Variants in DPH6 observed in about 807,000 individuals in gnomAD.
DPH6 encodes the protein diphthamine biosynthesis 6, also known as diphthine--ammonia ligase.
Under a neutral mutation model 38.2 loss-of-function variants are expected in DPH6, and 33 were observed. The ratio of observed to expected loss-of-function variants is 0.86; its 90% CI spans 0.65 to 1.15. The LOEUF (loss-of-function observed/expected upper bound fraction) is 1.15, where lower values mean the gene tolerates loss of function less well. DPH6 is among the 50% of genes most tolerant of loss of function. The pLI is 0.00. For synonymous variants in DPH6, 108 were observed against 103.0 expected (o/e 1.05, Z -0.30); for missense variants, 325 against 320.0 (o/e 1.02, Z -0.12).
the DPH6 span, among the ~76,000 whole-genome samples, chr15:35,194,403 G>A: frequency 1.3e-5 from 2 of 151,698 alleles, no homozygotes; most frequent in Non-Finnish European, 2.9e-5. Flanking sequence ...GAGATAGAGA[G>A]AGAGAGAGAG....
the DPH6 span, among the ~76,000 whole-genome samples, chr15:35,194,720 C>T: frequency 6.6e-6 from 1 of 152,108 alleles, no homozygotes; most frequent in East Asian, 1.9e-4. Context: ...ACATCAAAGG[C>T]ATTGTACTAT....
In DPH6 at chr15:35,480,872, G is replaced by A. The variant is rs190579963; in HGVS notation, c.313-26052C>T. 1.5e-3 allele frequency among the ~76,000 whole-genome samples: 219 copies of A among 149,648 alleles called. 2 individuals carry two copies. The highest frequency in any genetic ancestry group is 8.5e-3 in the South Asian group (41 of 4,804). On this transcript the variant is annotated intron_variant, in intron 3 of 8. Coordinates refer to ENST00000256538, the MANE Select transcript of DPH6 (RefSeq NM_080650.4). ...AATATTTCAGCTAATAAATGAAACA[G>A]GAATGATAGAATTGTAATATCACCA...
At chr15:35,542,878 A>AAT (rs2055276184) in intron 1 of DPH6, among the ~76,000 whole-genome samples, 1 of 140,736 alleles carries the variant, frequency 7.1e-6, no homozygotes, top group African/African-American at 2.6e-5. Context: ...CTACCTAAGG[A>AAT]ATATATATAA....
At chr15:35,374,178 T>C (rs1014622581) in intron 7 of DPH6, among the ~76,000 whole-genome samples, 4 of 152,150 alleles carry the variant, frequency 2.6e-5, no homozygotes, top group African/African-American at 9.6e-5. Flanking sequence ...TATGGATACA[T>C]GTAAATTAAC....
At chr15:35,449,437 G>A (rs1194493347) in intron 5 of DPH6, among the ~76,000 whole-genome samples, 1 of 152,046 alleles carries the variant, frequency 6.6e-6, no homozygotes, top group Non-Finnish European at 1.5e-5. Context: ...TTTTCAATAA[G>A]GGAGGTCTCT....
chr15:35,265,065 T>C (rs1027903514), intron 3 of DPH6, among the ~76,000 whole-genome samples: 1 of 152,184 alleles, frequency 6.6e-6, no homozygotes, highest in Non-Finnish European at 1.5e-5. Flanking sequence ...ATGCTGTCTA[T>C]AGTCCATACA....
chr15:35,157,570 C>T, the DPH6 span, among the ~76,000 whole-genome samples: 1 of 152,058 alleles, frequency 6.6e-6, no homozygotes, highest in Non-Finnish European at 1.5e-5. Flanking sequence ...GGTTGTGGTA[C>T]TCTGTCCCCT....
At chr15:35,285,872 G>GTTTTTTTTTTTATTTTTTTTTT (rs2051938723) in intron 3 of DPH6, among the ~76,000 whole-genome samples, 1 of 52,794 alleles carries the variant, frequency 1.9e-5, no homozygotes, top group Non-Finnish European at 3.3e-5. Flanking sequence ...TTATCTTTGA[G>GTTTTTTTTTTTATTTTTTTTTT]TTTTTTTTTT....
chr15:35,350,903 G>A (rs1420920336), intron 3 of DPH6, among the ~76,000 whole-genome samples: 2 of 152,146 alleles, frequency 1.3e-5, no homozygotes, highest in Non-Finnish European at 2.9e-5. Flanking sequence ...GTATTCTGCT[G>A]TTGTTGGGTG....
At chr15:35,406,810 A>C (rs2053299734) in intron 6 of DPH6, among the ~76,000 whole-genome samples, 1 of 152,002 alleles carries the variant, frequency 6.6e-6, no homozygotes, top group Admixed American at 6.6e-5. Flanking sequence ...AATAGATGAC[A>C]GTGTGGAGGT....
At chr15:35,361,055 A>G (rs938685753) in intron 3 of DPH6, among the ~76,000 whole-genome samples, 1 of 152,144 alleles carries the variant, frequency 6.6e-6, no homozygotes, top group African/African-American at 2.4e-5. Context: ...GATTCCTCCC[A>G]TGTGCCCTGA....
chr15:35,492,497 G>A (rs1281066934), intron 3 of DPH6, among the ~76,000 whole-genome samples: 7 of 152,038 alleles, frequency 4.6e-5, no homozygotes, highest in Non-Finnish European at 5.9e-5. Context: ...ACTGGTAATT[G>A]GTAATAATAA....
chr15:35,159,783 G>T, the DPH6 span, among the ~76,000 whole-genome samples: 33,235 of 151,936 alleles, frequency 0.22, 3,830 homozygotes, highest in East Asian at 0.38. Context: ...TTCACAATAA[G>T]AAAAAACATA....
At chr15:35,246,319 A>G (rs966849656) in intron 3 of DPH6, among the ~76,000 whole-genome samples, 1 of 152,198 alleles carries the variant, frequency 6.6e-6, no homozygotes, top group Non-Finnish European at 1.5e-5. Context: ...TCATTCAAAT[A>G]ATACTTGTTG....
intron 3 of DPH6, among the ~76,000 whole-genome samples, chr15:35,457,319 C>T (rs1368543970): frequency 6.6e-6 from 1 of 151,610 alleles, no homozygotes; most frequent in Admixed American, 6.6e-5. Flanking sequence ...TCTGACTATT[C>T]TTCAACACTG....
At chr15:35,227,177 T>C (rs533979889) in intron 3 of DPH6, among the ~76,000 whole-genome samples, 5 of 123,074 alleles carry the variant, frequency 4.1e-5, no homozygotes, top group East Asian at 4.5e-4. Context: ...ACATCTTCTT[T>C]TTTTTTTTTT....
chr15:35,263,990 G>T (rs1465679216), intron 3 of DPH6, among the ~76,000 whole-genome samples: 1 of 152,036 alleles, frequency 6.6e-6, no homozygotes, highest in African/African-American at 2.4e-5. Flanking sequence ...TAGGATTACA[G>T]GCGTGAGCCA....
At chr15:35,363,595 G>A (rs1192735631) in intron 3 of DPH6, among the ~76,000 whole-genome samples, 8 of 151,964 alleles carry the variant, frequency 5.3e-5, no homozygotes, top group African/African-American at 1.9e-4. Context: ...AAGTGAAACA[G>A]TGGTACAATT....
At chr15:35,537,324 C>A (rs1225385390) in intron 3 of DPH6, among the ~76,000 whole-genome samples, 2 of 152,010 alleles carry the variant, frequency 1.3e-5, no homozygotes, top group East Asian at 3.9e-4. Flanking sequence ...AATCTTCTTT[C>A]CTTCCCCTTG....
Sources: gnomAD v4.1 joint callset for allele counts (sites outside exome capture counted in the v4.1 genomes callset) on GRCh38, gnomAD v4.1.1 for gene constraint, MANE v1.5 for transcripts, NCBI Gene and HGNC (gene_info 2026-07-23, HGNC 2026-07-21) for gene names.